The following SLC44A1 variants were observed in gnomAD, a reference collection of about 807,000 sequenced individuals.
SLC44A1 encodes the protein solute carrier family 44 member 1, also known as choline transporter-like protein 1.
In SLC44A1, 26 loss-of-function variants were observed where a neutral mutation model predicts 79.3. That is an observed-to-expected ratio of 0.33 (90% CI 0.24 to 0.46). The LOEUF (loss-of-function observed/expected upper bound fraction) is 0.46, where lower values mean the gene tolerates loss of function less well. Ranked by LOEUF, SLC44A1 falls within the 20% of genes least tolerant of loss-of-function variation. SLC44A1 has a pLI of 1.00. For synonymous variants in SLC44A1, 263 were observed against 286.2 expected (o/e 0.92, Z 0.82); for missense variants, 688 against 798.1 (o/e 0.86, Z 1.66).
rs143782863 is a variant in SLC44A1 at position 105,274,211 on chromosome 9, A to G, written c.37-25009A>G. Among the ~76,000 whole-genome samples, 101 of 152,308 alleles carry G rather than the reference A, an allele frequency of 6.6e-4. 2 individuals carry two copies. In the East Asian group the frequency reaches 0.018, roughly 28 times the overall value. On this transcript the variant is annotated intron_variant, in intron 1 of 15. Transcript: ENST00000374720. Reference sequence around the variant, plus strand: ...TTACCAGATGTTCCCCTTAAGCAATATGAAGCTACTCCTTTTCCGCTTTGA... The same window carrying G: ...TTACCAGATGTTCCCCTTAAGCAATGTGAAGCTACTCCTTTTCCGCTTTGA...
intron 15 of SLC44A1, among the ~76,000 whole-genome samples, chr9:105,437,057 G>T (rs1829472491): frequency 6.6e-6 from 1 of 152,054 alleles, no homozygotes; most frequent in African/African-American, 2.4e-5. Context: ...GTGGCTCTGG[G>T]CTTGTTTGAT....
At position 105,356,202 on chromosome 9, in the gene SLC44A1, G is replaced by A; in HGVS notation, c.501-10G>A. 6.3e-7 allele frequency: 1 copy of A among 1,593,730 alleles called. No individual in the cohort carries two copies. The highest frequency in any genetic ancestry group is 8.5e-7 in the Non-Finnish European group (1 of 1,172,586). The stretch of plus-strand genomic sequence containing the variant: ...ATTTTTTTTCTGATTTTTTTTTCTT[G>A]TGTCACCAGTGCACCTATTCCATTC... On this transcript the variant is annotated splice_polypyrimidine_tract_variant and intron_variant, in intron 5 of 15. Transcript: ENST00000374720.
rs144140261 is a variant in SLC44A1, at chr9:105,365,584, T to C, written c.1355T>C (p.Leu452Ser). ...TVAKGSFIIT[L>S]VKIPRMILMY... ...GCAAAAGGATCTTTCATTATCACAT[T>C]AGTCAAAATTCCGCGAATGATCCTT... The change falls in exon 11 of 16, where the codon TTA becomes TCA. Residue 452 changes from leucine (L) to serine (S), a missense_variant. Coordinates refer to ENST00000374720, the MANE Select transcript of SLC44A1 (RefSeq NM_080546.5). The C allele has an allele frequency of 2.0e-5, 32 of 1,613,698 alleles. No homozygotes were observed. In the African/African-American group the frequency reaches 2.5e-4, roughly 13 times the overall value.
intron 3 of SLC44A1, among the ~76,000 whole-genome samples, chr9:105,320,584 AT>A (rs1259514989): frequency 1.3e-5 from 2 of 151,392 alleles, no homozygotes; most frequent in African/African-American, 2.4e-5. Context: ...ATTTTATTTT[AT>A]TTTTTTTAGA....
chr9:105,274,052 T>G (rs906662486), intron 1 of SLC44A1, among the ~76,000 whole-genome samples: 1 of 152,122 alleles, frequency 6.6e-6, no homozygotes, highest in African/African-American at 2.4e-5. Flanking sequence ...ATACTGACAC[T>G]GATGTTAGAG....
At chr9:105,273,265 T>G (rs1029324365) in intron 1 of SLC44A1, among the ~76,000 whole-genome samples, 9 of 152,212 alleles carry the variant, frequency 5.9e-5, no homozygotes, top group African/African-American at 2.2e-4. Flanking sequence ...GTGCTAGGAT[T>G]ACAGGCATGG....
At chr9:105,381,503 A>G (rs1207940994) in intron 13 of SLC44A1, among the ~76,000 whole-genome samples, 1 of 151,742 alleles carries the variant, frequency 6.6e-6, no homozygotes, top group African/African-American at 2.4e-5. Context: ...AGCCAAGATC[A>G]TGCCACTGCA....
At chr9:105,340,055 G>A (rs751416414) in intron 4 of SLC44A1, among the ~76,000 whole-genome samples, 9 of 152,184 alleles carry the variant, frequency 5.9e-5, no homozygotes, top group Non-Finnish European at 1.2e-4. Flanking sequence ...GAAAAAGGGA[G>A]TTGTGGTTCA....
At chr9:105,369,426 G>T (rs1451642465) in intron 12 of SLC44A1, among the ~76,000 whole-genome samples, 1 of 151,926 alleles carries the variant, frequency 6.6e-6, no homozygotes, top group Admixed American at 6.6e-5. Flanking sequence ...TTTAAATAAG[G>T]GCACTAATCC....
intron 1 of SLC44A1, among the ~76,000 whole-genome samples, chr9:105,289,042 A>T (rs1830541170): frequency 1.3e-5 from 2 of 152,242 alleles, no homozygotes; most frequent in African/African-American, 2.4e-5. Flanking sequence ...CAGCCATATA[A>T]TATCTGCGGG....
chr9:105,249,802 T>TG (rs1829540718), intron 1 of SLC44A1, among the ~76,000 whole-genome samples: 1 of 151,746 alleles, frequency 6.6e-6, no homozygotes, highest in South Asian at 2.1e-4. Flanking sequence ...CCCAAAGTGC[T>TG]GGGATTACAG....
chr9:105,308,783 T>C (rs1463799721), intron 2 of SLC44A1, among the ~76,000 whole-genome samples: 1 of 152,196 alleles, frequency 6.6e-6, no homozygotes, highest in African/African-American at 2.4e-5. Flanking sequence ...ATGTAACCTT[T>C]TAACGATCAG....
intron 1 of SLC44A1, among the ~76,000 whole-genome samples, chr9:105,254,473 G>T (rs1304378884): frequency 1.3e-5 from 2 of 152,232 alleles, no homozygotes; most frequent in African/African-American, 4.8e-5. Flanking sequence ...GACTTTGCCA[G>T]CAAGGTGGCG....
chr9:105,373,991 G>C (rs997745908), intron 12 of SLC44A1, among the ~76,000 whole-genome samples: 2 of 152,212 alleles, frequency 1.3e-5, no homozygotes, highest in African/African-American at 4.8e-5. Flanking sequence ...GGTAGTGACA[G>C]TCTCACTGGG....
intron 1 of SLC44A1, among the ~76,000 whole-genome samples, chr9:105,270,038 G>A (rs761138563): frequency 1.7e-4 from 26 of 152,168 alleles, no homozygotes; most frequent in Admixed American, 3.3e-4. Flanking sequence ...TACATGTAAG[G>A]TGCTTTCTTG....
At chr9:105,249,293 T>C (rs1829525065) in intron 1 of SLC44A1, among the ~76,000 whole-genome samples, 1 of 152,202 alleles carries the variant, frequency 6.6e-6, no homozygotes, top group Non-Finnish European at 1.5e-5. Context: ...TGAAGTGAGA[T>C]GGTAAAAATT....
At chr9:105,426,037 TAG>T (rs1829318276) in intron 15 of SLC44A1, among the ~76,000 whole-genome samples, 1 of 152,188 alleles carries the variant, frequency 6.6e-6, no homozygotes, top group African/African-American at 2.4e-5. Flanking sequence ...CTGTTCTGTG[TAG>T]GAGAATGGGT....
At position 105,395,684 on chromosome 9, in the gene SLC44A1, A is replaced by T. The variant is rs1351763331; in HGVS notation, c.*6628A>T. ...AAAGGGAATATTCTGACCTTCGTGTATGAATCTGATCCACCCATCCTGTCA... is the reference window on the plus strand; with the variant it reads ...AAAGGGAATATTCTGACCTTCGTGTTTGAATCTGATCCACCCATCCTGTCA... On this transcript the variant is annotated 3_prime_UTR_variant, in exon 16 of 16. Coordinates refer to ENST00000374720, the MANE Select transcript of SLC44A1 (RefSeq NM_080546.5). The T allele has an allele frequency of 2.0e-6, 2 of 985,294 alleles. No homozygotes were observed. The highest frequency in any genetic ancestry group is 2.4e-6 in the Non-Finnish European group (2 of 829,920). The allele number at this position is 985,294 out of a possible 1,614,324, so 61.0% of individuals were successfully genotyped here. A position where few individuals can be genotyped will look rare whatever the true frequency, so the allele number is the denominator to read the frequency against.
chr9:105,414,357 CAGTT>C (rs1040637174), intron 15 of SLC44A1, among the ~76,000 whole-genome samples: 1 of 152,138 alleles, frequency 6.6e-6, no homozygotes, highest in South Asian at 2.1e-4. Flanking sequence ...GCCCAGCCGA[CAGTT>C]AGTGTTTTTT....
Sources: gnomAD v4.1 joint callset for allele counts (sites outside exome capture counted in the v4.1 genomes callset) on GRCh38, gnomAD v4.1.1 for gene constraint, MANE v1.5 for transcripts, NCBI Gene and HGNC (gene_info 2026-07-23, HGNC 2026-07-21) for gene names.